Variants in ROBO1 observed in about 807,000 individuals in gnomAD.
The protein encoded by ROBO1 is roundabout guidance receptor 1.
Under a neutral mutation model 195.9 loss-of-function variants are expected in ROBO1, and 149 were observed. That is an observed-to-expected ratio of 0.76 (90% confidence interval 0.67 to 0.87). ROBO1 has a LOEUF of 0.87. ROBO1 is among the 40% of genes least tolerant of loss of function. The pLI, the probability that ROBO1 is intolerant of heterozygous loss-of-function variation, is 0.00. For synonymous variants in ROBO1, 816 were observed against 733.2 expected (o/e 1.11, Z -1.82); for missense variants, 1,933 against 2,068.3 (o/e 0.93, Z 1.27).
At chr3:78,634,123 C>A in intron 23 of ROBO1, 81 bp from the exon 24 acceptor site, 1 of 899,424 alleles carries the variant, frequency 1.1e-6, no homozygotes, top group Non-Finnish European at 1.7e-6. Context: ...CTCTATATTT[C>A]TGAGTAACTA....
chr3:79,208,720 TGC>T (rs112163145), intron 2 of ROBO1, among the ~76,000 whole-genome samples: 6 of 140,090 alleles, frequency 4.3e-5, no homozygotes, highest in African/African-American at 1.3e-4. Context: ...TGTGTGTGTG[TGC>T]GCCTGCATGC....
chr3:78,883,381 G>C (rs2036301429), intron 4 of ROBO1, among the ~76,000 whole-genome samples: 1 of 151,818 alleles, frequency 6.6e-6, no homozygotes, highest in African/African-American at 2.4e-5. Context: ...TCAACCACAT[G>C]AGACGCAGAT....
At chr3:78,680,555 T>C (rs1429496430) in intron 10 of ROBO1, among the ~76,000 whole-genome samples, 1 of 151,992 alleles carries the variant, frequency 6.6e-6, no homozygotes, top group Non-Finnish European at 1.5e-5. Flanking sequence ...AAGAAGACAT[T>C]TATGCAGCCA....
chr3:79,413,222 A>G (rs1174945082), intron 2 of ROBO1, among the ~76,000 whole-genome samples: 1 of 152,062 alleles, frequency 6.6e-6, no homozygotes, highest in Non-Finnish European at 1.5e-5. Context: ...AAAAACATGT[A>G]ACTGATAATG....
chr3:78,776,018 T>C (rs2083495571), intron 4 of ROBO1, among the ~76,000 whole-genome samples: 1 of 152,194 alleles, frequency 6.6e-6, no homozygotes, highest in South Asian at 2.1e-4. Flanking sequence ...TGCCTATGGG[T>C]TCAGAATTAC....
intron 2 of ROBO1, among the ~76,000 whole-genome samples, chr3:79,538,350 A>G (rs1021369798): frequency 6.6e-6 from 1 of 152,192 alleles, no homozygotes; most frequent in African/African-American, 2.4e-5. Flanking sequence ...CAATGAAAAA[A>G]TACTTAACAA....
intron 2 of ROBO1, among the ~76,000 whole-genome samples, chr3:79,362,890 T>C (rs891352509): frequency 3.3e-5 from 5 of 151,966 alleles, no homozygotes; most frequent in African/African-American, 1.2e-4. Flanking sequence ...GCCCGGGAGA[T>C]AAGGAAAAAA....
chr3:78,849,734 T>C (rs1205461806), intron 4 of ROBO1, among the ~76,000 whole-genome samples: 6 of 151,920 alleles, frequency 3.9e-5, no homozygotes, highest in Non-Finnish European at 1.5e-5. Context: ...ACATCTAACC[T>C]TTACTGTTTA....
chr3:79,725,387 C>T (rs954596148), intron 1 of ROBO1, among the ~76,000 whole-genome samples: 3 of 151,496 alleles, frequency 2.0e-5, no homozygotes, highest in Admixed American at 6.6e-5. Flanking sequence ...CCACCACGCC[C>T]GGCTAATTTT....
At chr3:79,638,015 T>C (rs1346051383) in intron 1 of ROBO1, among the ~76,000 whole-genome samples, 3 of 152,186 alleles carry the variant, frequency 2.0e-5, no homozygotes, top group Non-Finnish European at 2.9e-5. Flanking sequence ...GAAATTACCC[T>C]TAGTTGAACA....
intron 2 of ROBO1, among the ~76,000 whole-genome samples, chr3:79,546,279 C>T (rs1394358490): frequency 2.0e-5 from 3 of 151,994 alleles, no homozygotes; most frequent in Non-Finnish European, 2.9e-5. Context: ...TTCACATGAT[C>T]GGTAAGGCTT....
chr3:78,885,010 A>G (rs2036462629), intron 4 of ROBO1, among the ~76,000 whole-genome samples: 1 of 152,034 alleles, frequency 6.6e-6, no homozygotes, highest in African/African-American at 2.4e-5. Flanking sequence ...AAGATGTCTT[A>G]TGAAATAATC....
chr3:78,701,440 G>A (rs1014257805), intron 8 of ROBO1, among the ~76,000 whole-genome samples: 2 of 152,182 alleles, frequency 1.3e-5, no homozygotes, highest in Admixed American at 6.5e-5. Context: ...CAAAGGCAGT[G>A]TGAAAGGAAA....
At position 79,346,242 on chromosome 3, in the gene ROBO1, G is replaced by T. The variant is rs188458570; in HGVS notation, c.89-220703C>A. 2.2e-3 allele frequency among the ~76,000 whole-genome samples: 332 copies of T among 152,174 alleles called. 4 individuals are homozygous for T. The highest frequency in any genetic ancestry group is 6.8e-3 in the African/African-American group (281 of 41,538). On this transcript the variant is annotated intron_variant, in intron 2 of 30. Coordinates refer to ENST00000464233, the MANE Select transcript of ROBO1 (RefSeq NM_002941.4). ...AAATACACTTCTACAAAATAGGGCT[G>T]GTGGTGGCTTAACCAAAATGGTTTT... is the stretch of plus-strand genomic sequence containing the variant.
intron 1 of ROBO1, among the ~76,000 whole-genome samples, chr3:79,617,132 C>G (rs1944849874): frequency 6.6e-6 from 1 of 151,974 alleles, no homozygotes; most frequent in African/African-American, 2.4e-5. Context: ...CTAGTGTATC[C>G]CTCTCCCTAC....
At chr3:78,673,857 C>T (rs1051037300) in intron 10 of ROBO1, among the ~76,000 whole-genome samples, 3 of 151,538 alleles carry the variant, frequency 2.0e-5, no homozygotes, top group Non-Finnish European at 4.4e-5. Flanking sequence ...CACCAATAAA[C>T]ATCGCAGATA....
intron 2 of ROBO1, among the ~76,000 whole-genome samples, chr3:79,565,256 C>A (rs1385528018): frequency 6.6e-6 from 1 of 151,730 alleles, no homozygotes; most frequent in Non-Finnish European, 1.5e-5. Flanking sequence ...TCTTAACCAT[C>A]AGACAGAACT....
intron 2 of ROBO1, among the ~76,000 whole-genome samples, chr3:79,430,711 T>G (rs1011807637): frequency 6.6e-6 from 1 of 152,156 alleles, no homozygotes; most frequent in African/African-American, 2.4e-5. Context: ...TTCCTCTTGT[T>G]CCTGTTCTCT....
chr3:79,484,561 G>T (rs1939047267), intron 2 of ROBO1, among the ~76,000 whole-genome samples: 1 of 151,746 alleles, frequency 6.6e-6, no homozygotes, highest in South Asian at 2.1e-4. Flanking sequence ...AATTGGCTGA[G>T]ATTTAGAAAT....
Sources: allele counts gnomAD v4.1 joint callset (sites outside exome capture counted in the v4.1 genomes callset), GRCh38; gene constraint gnomAD v4.1.1; transcripts MANE v1.5; gene names NCBI Gene and HGNC (gene_info 2026-07-23, HGNC 2026-07-21).